Variants in CSMD2 observed in about 807,000 individuals in gnomAD.
The protein encoded by CSMD2 is CUB and sushi domain-containing protein 2.
A neutral mutation model predicts 398.5 loss-of-function variants in CSMD2; 130 were observed. The observed-to-expected ratio is 0.33, with a 90% CI of 0.28 to 0.38. CSMD2 has a LOEUF of 0.38. CSMD2 is among the 10% of genes least tolerant of loss of function. CSMD2 has a pLI of 1.00. For missense variants in CSMD2, 3,829 were observed against 4,764.9 expected, an observed-to-expected ratio of 0.80 and a Z score of 5.78; for synonymous variants, 1,828 against 1,908.5, an observed-to-expected ratio of 0.96 and a Z score of 1.10.
intron 5 of CSMD2, among the ~76,000 whole-genome samples, chr1:33,892,944 C>G (rs2125213243): frequency 6.6e-6 from 1 of 152,300 alleles, no homozygotes; most frequent in South Asian, 2.1e-4. Context: ...GGTGAATGAC[C>G]AAATGCAGAC....
chr1:34,162,867 A>T (rs1006956701), intron 1 of CSMD2, among the ~76,000 whole-genome samples: 2 of 152,180 alleles, frequency 1.3e-5, no homozygotes, highest in Admixed American at 6.5e-5. Flanking sequence ...CTTAAAAAAA[A>T]TTTAAAAAGA....
intron 13 of CSMD2, among the ~76,000 whole-genome samples, chr1:33,756,426 G>GA (rs1557846101): frequency 1.3e-5 from 2 of 152,104 alleles, no homozygotes; most frequent in South Asian, 2.1e-4. Context: ...AAGAGGTGAC[G>GA]AAAAAAGGAA....
chr1:33,891,358 C>T (rs1362628639), intron 5 of CSMD2, among the ~76,000 whole-genome samples: 7 of 151,010 alleles, frequency 4.6e-5, no homozygotes, highest in African/African-American at 1.7e-4. Flanking sequence ...GATACCATCT[C>T]ACACCAGTTA....
At position 33,937,270 on chromosome 1, in the gene CSMD2, AC is replaced by A. The variant is rs1476643891; in HGVS notation, c.518-1317del. Among the ~76,000 whole-genome samples the A allele has an allele frequency of 1.8e-4, 27 of 152,220 alleles. No homozygotes were observed. The East Asian group carries it at 5.0e-3, about 28-fold the overall frequency. On this transcript the variant is annotated intron_variant, in intron 3 of 70. Transcript: ENST00000373381. Reference sequence around the variant, plus strand: ...ATGATGGGACAGGAACAGGTAGGGAACCAAACCCAGCTGGGGGAGAGGTCAG... The same window carrying A: ...ATGATGGGACAGGAACAGGTAGGGAACAAACCCAGCTGGGGGAGAGGTCAG...
At position 33,739,228 on chromosome 1, in the gene CSMD2, G is replaced by A. The variant is rs370248080; in HGVS notation, c.2280C>T (p.Gly760=). The change falls in exon 15 of 71, where the codon GGC becomes GGT. Residue 760 remains glycine, a synonymous_variant. Coordinates refer to ENST00000373381, the MANE Select transcript of CSMD2 (RefSeq NM_001281956.2). ...TCTCTGAGCCCTGAGTCCCAAGGAA[G>A]CCTTCATCACAGAGGAAGGAGATGG... is the stretch of plus-strand genomic sequence containing the variant. ...GSSISFLCDE[G]FLGTQGSETI... is the part of the protein sequence containing the mutation. 1.4e-4 allele frequency: 220 copies of A among 1,614,226 alleles called. No homozygotes were observed. Among genetic ancestry groups the A allele is most frequent in the Non-Finnish European group, 1.7e-4 (200 of 1,180,030 alleles).
At chr1:33,721,617 C>A (rs533880020) in intron 19 of CSMD2, among the ~76,000 whole-genome samples, 1 of 152,190 alleles carries the variant, frequency 6.6e-6, no homozygotes, top group East Asian at 1.9e-4. Flanking sequence ...CCAGCCCTCC[C>A]CTCCTTAGGA....
chr1:33,535,683 A>C (rs1175406853), intron 62 of CSMD2, among the ~76,000 whole-genome samples: 2 of 152,150 alleles, frequency 1.3e-5, no homozygotes, highest in African/African-American at 2.4e-5. Flanking sequence ...CTCACTCTTG[A>C]CTACATTTCC....
chr1:33,734,419 C>A (rs1646817709), intron 15 of CSMD2, among the ~76,000 whole-genome samples: 1 of 152,082 alleles, frequency 6.6e-6, no homozygotes, highest in Non-Finnish European at 1.5e-5. Context: ...AGCAGTAGTA[C>A]AATCATAGCT....
chr1:33,775,520 T>C (rs769538384), intron 12 of CSMD2, among the ~76,000 whole-genome samples: 39 of 152,178 alleles, frequency 2.6e-4, no homozygotes, highest in Non-Finnish European at 3.8e-4. Flanking sequence ...GGTCCTCCAA[T>C]AACCCAATAG....
chr1:33,891,894 T>A (rs1367386089), intron 5 of CSMD2, among the ~76,000 whole-genome samples: 1 of 96,900 alleles, frequency 1.0e-5, no homozygotes, highest in African/African-American at 4.2e-5. Flanking sequence ...CTCTGGGGAC[T>A]GTTGTGGGGT....
chr1:33,547,120 A>G (rs1656981030), intron 56 of CSMD2, among the ~76,000 whole-genome samples: 1 of 151,914 alleles, frequency 6.6e-6, no homozygotes, highest in Non-Finnish European at 1.5e-5. Flanking sequence ...AACATCTCAG[A>G]CCCTCTCATT....
rs1225566929 is a variant in CSMD2 at position 33,633,491 on chromosome 1, C to T, written c.5131G>A (p.Val1711Met). ...CTGTGGCCGTCGTGAACCTCCACCA[C>T]GTCGTTGAGGGCCGTGTGAAAGAAG... ...FAFFHTALND[V>M]VEVHDGHSQH... is the part of the protein sequence containing the mutation. The change falls in exon 32 of 71, where the codon GTG (valine) becomes ATG (methionine). Residue 1711 changes from valine (V) to methionine (M), a missense_variant. Coordinates refer to ENST00000373381, the MANE Select transcript of CSMD2 (RefSeq NM_001281956.2). This position sits in a 1 kb window ranked among gnomAD's most constrained non-coding sequence, Gnocchi z 5.0. 2 of 1,554,070 alleles carry T rather than the reference C, an allele frequency of 1.3e-6. No individual in the cohort carries two copies. The highest frequency in any genetic ancestry group is 8.7e-7 in the Non-Finnish European group (1 of 1,148,218).
chr1:34,054,503 C>T (rs1653593248), intron 2 of CSMD2, among the ~76,000 whole-genome samples: 1 of 152,004 alleles, frequency 6.6e-6, no homozygotes, highest in East Asian at 1.9e-4. Flanking sequence ...GGGCAGATCA[C>T]GAGGTCAGGA....
At position 33,614,592 on chromosome 1, in the gene CSMD2, C is replaced by T; in HGVS notation, c.6045G>A (p.Met2015Ile). Residue 2015 changes from methionine (M) to isoleucine (I), a missense_variant, in exon 40 of 71, where the codon ATG (methionine) becomes ATA (isoleucine). By Grantham distance (10) the Met-to-Ile change is conservative (BLOSUM62 1). This residue lies in a region of CSMD2 where 2,001 missense variants were observed against 2,567.1 expected (regional missense o/e 0.78). Transcript: ENST00000373381. Reference protein sequence around the residue: ...IAQCGGTVEEMEGVILSPGFP... With the variant: ...IAQCGGTVEEIEGVILSPGFP... ...AGCCGGGGCTCAGGATCACCCCCTC[C>T]ATCTCCTCCACTGTTCCCCCACACT... The T allele has an allele frequency of 6.2e-7, 1 of 1,611,114 alleles. No homozygotes were observed. The highest frequency in any genetic ancestry group is 8.5e-7 in the Non-Finnish European group (1 of 1,177,502).
At chr1:34,134,580 C>T (rs1159075568) in intron 1 of CSMD2, among the ~76,000 whole-genome samples, 1 of 152,070 alleles carries the variant, frequency 6.6e-6, no homozygotes, top group Non-Finnish European at 1.5e-5. Context: ...AATTTAAGTG[C>T]ATAAATATGT....
chr1:34,118,070 G>T (rs528415945), intron 1 of CSMD2, among the ~76,000 whole-genome samples: 10 of 152,160 alleles, frequency 6.6e-5, no homozygotes, highest in African/African-American at 2.4e-4. Flanking sequence ...AAATAAATTA[G>T]CTGGGCATGG....
At position 33,624,978 on chromosome 1, in the gene CSMD2, GAC is replaced by G. The variant is rs2148883885; in HGVS notation, c.5500+71_5500+72del. 1 of 1,468,020 alleles carries G rather than the reference GAC, an allele frequency of 6.8e-7. No individual in the cohort carries two copies. Among genetic ancestry groups the G allele is most frequent in the Non-Finnish European group, 9.5e-7 (1 of 1,053,012 alleles). The allele number at this position is 1,468,020 out of a possible 1,614,324, so 90.9% of individuals were successfully genotyped here. On this transcript the variant is annotated intron_variant, in intron 34 of 70. Coordinates refer to ENST00000373381, the MANE Select transcript of CSMD2 (RefSeq NM_001281956.2). This position sits in a 1 kb window ranked among gnomAD's most constrained non-coding sequence, Gnocchi z 4.7. ...TGTGTCGTGGGGCATCACTGGGGCT[GAC>G]TGCCTCCCCTACAGAGAAAGGACTA...
intron 52 of CSMD2, among the ~76,000 whole-genome samples, chr1:33,568,189 C>CT (rs370507143): frequency 0.11 from 16,216 of 141,240 alleles, 1,245 homozygotes; most frequent in East Asian, 0.22. Context: ...TCAGGAGCAT[C>CT]TTTTTTTTTT....
chr1:33,730,348 G>A (rs1391524270), intron 15 of CSMD2, among the ~76,000 whole-genome samples: 2 of 152,224 alleles, frequency 1.3e-5, no homozygotes, highest in East Asian at 3.8e-4. Flanking sequence ...ACAGGGTAGA[G>A]AAGATAGGGA....
Sources: allele counts gnomAD v4.1 joint callset (sites outside exome capture counted in the v4.1 genomes callset), GRCh38; gene constraint gnomAD v4.1.1; regional missense constraint gnomAD v4.1.1; non-coding constraint Gnocchi (gnomAD v3.1); transcripts MANE v1.5; gene names NCBI Gene and HGNC (gene_info 2026-07-23, HGNC 2026-07-21).